LRRTM4: variants seen among roughly 807,000 people sequenced by gnomAD.
LRRTM4 encodes leucine-rich repeat transmembrane neuronal protein 4.
Under a neutral mutation model 47.6 loss-of-function variants are expected in LRRTM4, and 25 were observed. The ratio of observed to expected loss-of-function variants is 0.53; its 90% CI spans 0.38 to 0.73. The LOEUF (loss-of-function observed/expected upper bound fraction) is 0.73, where lower values mean the gene tolerates loss of function less well. Among genes scored for constraint, LRRTM4 ranks in the 30% least tolerant of loss-of-function variants. The pLI is 0.00. For missense variants in LRRTM4, 638 were observed against 713.4 expected, an observed-to-expected ratio of 0.89 and a Z score of 1.20; for synonymous variants, 311 against 269.5, an observed-to-expected ratio of 1.15 and a Z score of -1.51.
intron 3 of LRRTM4, 187 bp downstream of exon 3, chr2:77,518,129 TAA>T (rs36044249): frequency 0.24 from 277,051 of 1,171,930 alleles, 9,578 homozygotes; most frequent in Middle Eastern, 0.25. Flanking sequence ...TTCAACCATT[TAA>T]AAAAAAAAAA....
At chr2:77,491,301 G>A (rs1678152490) in intron 3 of LRRTM4, among the ~76,000 whole-genome samples, 1 of 151,820 alleles carries the variant, frequency 6.6e-6, no homozygotes, top group South Asian at 2.1e-4. Flanking sequence ...AAAGAGGAAG[G>A]TATATGAAAG....
intron 3 of LRRTM4, among the ~76,000 whole-genome samples, chr2:77,080,009 G>C (rs1680480087): frequency 6.6e-6 from 1 of 151,886 alleles, no homozygotes; most frequent in Admixed American, 6.6e-5. Flanking sequence ...TATATTCACT[G>C]TCTGCAATTC....
chr2:77,092,887 T>C (rs1380425743), intron 3 of LRRTM4, among the ~76,000 whole-genome samples: 42 of 146,620 alleles, frequency 2.9e-4, no homozygotes, highest in African/African-American at 1.1e-3. Flanking sequence ...AAAAGTAGAA[T>C]GGACTAAAGG....
rs1057504420 is a variant in LRRTM4 at position 77,470,193 on chromosome 2, C to G, written c.1551+48125G>C. Among the ~76,000 whole-genome samples, 5 of 152,066 alleles carry G rather than the reference C, an allele frequency of 3.3e-5. No individual in the cohort carries two copies. The East Asian group carries it at 7.7e-4, about 24-fold the overall frequency. On this transcript the variant is annotated intron_variant, in intron 3 of 3. Coordinates refer to ENST00000409884, the MANE Select transcript of LRRTM4 (RefSeq NM_001134745.3). Reference sequence around the variant, plus strand: ...AGGCAGATAAGCTGTGCCTATCATTCAGGATTACATATCATATGACAAGGT... The same window carrying G: ...AGGCAGATAAGCTGTGCCTATCATTGAGGATTACATATCATATGACAAGGT...
intron 3 of LRRTM4, among the ~76,000 whole-genome samples, chr2:76,844,013 T>C (rs140068649): frequency 0.02 from 3,072 of 151,252 alleles, 67 homozygotes; most frequent in East Asian, 0.1. Context: ...ACCATTCTCC[T>C]GCCTCAGCCT....
At chr2:76,842,812 T>G (rs62173093) in intron 3 of LRRTM4, among the ~76,000 whole-genome samples, 41,580 of 152,024 alleles carry the variant, frequency 0.27, 5,862 homozygotes, top group Middle Eastern at 0.35. Context: ...TGCCATAGTG[T>G]TTTGCTGCAC....
At chr2:77,157,457 G>T (rs146441127) in intron 3 of LRRTM4, among the ~76,000 whole-genome samples, 200 of 151,974 alleles carry the variant, frequency 1.3e-3, no homozygotes, top group Middle Eastern at 6.8e-3. Flanking sequence ...TCTTGATTAT[G>T]GACTTGTTTT....
Position 77,014,494 on chromosome 2 carries a change from G to A in LRRTM4, c.1552-265578C>T, listed in dbSNP as rs190294272. Among the ~76,000 whole-genome samples the A allele has an allele frequency of 6.6e-3, 822 of 124,066 alleles. 12 individuals carry two copies. The highest frequency in any genetic ancestry group is 0.014 in the South Asian group (50 of 3,558). 81.4% of individuals were successfully genotyped at this position (124,066 alleles called of 152,430 possible). A position where few individuals can be genotyped will look rare whatever the true frequency, so the allele number is the denominator to read the frequency against. On this transcript the variant is annotated intron_variant, in intron 3 of 3. Coordinates refer to ENST00000409884, the MANE Select transcript of LRRTM4 (RefSeq NM_001134745.3). ...AAAAAGCATTGCAGAAGAAGCATTTGTGCCCTTTCATATATATATATATAA... is the reference window on the plus strand; with the variant it reads ...AAAAAGCATTGCAGAAGAAGCATTTATGCCCTTTCATATATATATATATAA...
chr2:76,772,811 AATT>A (rs1185793312), intron 3 of LRRTM4: 2 of 152,096 alleles, frequency 1.3e-5, no homozygotes, highest in African/African-American at 2.4e-5. Flanking sequence ...TTTTATTAGT[AATT>A]ATTGTTGTTA....
chr2:76,798,589 AT>A (rs1675485393), intron 3 of LRRTM4, among the ~76,000 whole-genome samples: 1 of 151,250 alleles, frequency 6.6e-6, no homozygotes, highest in Non-Finnish European at 1.5e-5. Flanking sequence ...AAGGCAAGAA[AT>A]AACTAAAATC....
chr2:76,763,583 C>A (rs531022260), intron 3 of LRRTM4, among the ~76,000 whole-genome samples: 1 of 152,180 alleles, frequency 6.6e-6, no homozygotes, highest in Non-Finnish European at 1.5e-5. Context: ...CTAGCCTATG[C>A]AGATGAGTTA....
chr2:77,036,018 A>T (rs1206605551), intron 3 of LRRTM4, among the ~76,000 whole-genome samples: 1 of 151,834 alleles, frequency 6.6e-6, no homozygotes, highest in Non-Finnish European at 1.5e-5. Flanking sequence ...TAATTAATTA[A>T]GACATATTAT....
At chr2:77,517,712 A>G in intron 3 of LRRTM4, 1 of 984,254 alleles carries the variant, frequency 1.0e-6, no homozygotes, top group Non-Finnish European at 1.2e-6. Flanking sequence ...AAAAAAAGAA[A>G]GAAGCCTTAG....
intron 3 of LRRTM4, among the ~76,000 whole-genome samples, chr2:77,122,191 A>G (rs1455536979): frequency 6.6e-6 from 1 of 151,730 alleles, no homozygotes; most frequent in Admixed American, 6.6e-5. Context: ...TTTCCTGAGT[A>G]AAATTATTAA....
At chr2:77,443,314 G>A (rs1232466316) in intron 3 of LRRTM4, among the ~76,000 whole-genome samples, 1 of 152,116 alleles carries the variant, frequency 6.6e-6, no homozygotes, top group Non-Finnish European at 1.5e-5. Context: ...TTGGAAGGAT[G>A]TCAGATCGGA....
chr2:76,911,893 A>G (rs900357676), intron 3 of LRRTM4, among the ~76,000 whole-genome samples: 3 of 135,512 alleles, frequency 2.2e-5, no homozygotes, highest in African/African-American at 8.3e-5. Context: ...CCACAACCCT[A>G]CTAACATGAA....
chr2:77,407,395 A>G (rs1463212330), intron 3 of LRRTM4, among the ~76,000 whole-genome samples: 1 of 151,626 alleles, frequency 6.6e-6, no homozygotes, highest in African/African-American at 2.4e-5. Context: ...CAGATTGACA[A>G]ATACTCTGGG....
chr2:77,361,271 T>G (rs550624433), intron 3 of LRRTM4, among the ~76,000 whole-genome samples: 9 of 152,022 alleles, frequency 5.9e-5, no homozygotes, highest in African/African-American at 2.2e-4. Context: ...TTTTTAAAAT[T>G]TCCTCCTTTT....
At chr2:76,808,437 G>T (rs1670627868) in intron 3 of LRRTM4, among the ~76,000 whole-genome samples, 1 of 100,840 alleles carries the variant, frequency 9.9e-6, no homozygotes. Context: ...TATATACATT[G>T]ATTTTGGGAA....
Sources: allele counts gnomAD v4.1 joint callset (sites outside exome capture counted in the v4.1 genomes callset), GRCh38; gene constraint gnomAD v4.1.1; transcripts MANE v1.5; gene names NCBI Gene and HGNC (gene_info 2026-07-23, HGNC 2026-07-21).